Variants in HS3ST5 observed in about 807,000 individuals in gnomAD.
HS3ST5 encodes the protein heparan sulfate-glucosamine 3-sulfotransferase 5.
HS3ST5 carries 10 observed loss-of-function variants against 25.4 expected under a neutral mutation model. That is an observed-to-expected ratio of 0.39 (90% CI 0.24 to 0.67). The LOEUF (loss-of-function observed/expected upper bound fraction) is 0.67, where lower values mean the gene tolerates loss of function less well. HS3ST5 is among the 30% of genes least tolerant of loss of function. The pLI is 0.44. For missense variants in HS3ST5, 324 were observed against 420.7 expected, an observed-to-expected ratio of 0.77 and a Z score of 2.01; for synonymous variants, 170 against 162.4, an observed-to-expected ratio of 1.05 and a Z score of -0.36.
rs1476363243 is a variant in HS3ST5, at chr6:114,056,403, T to C, written c.*854A>G. On this transcript the variant is annotated 3_prime_UTR_variant, in exon 5 of 5. Coordinates refer to ENST00000312719, the MANE Select transcript of HS3ST5 (RefSeq NM_153612.4). ...CATATGCACGTAAACAGCTTCCATT[T>C]TGGAAGCCAGCAGGGGGCACGTAAA... 2 of 151,916 alleles carry C rather than the reference T, an allele frequency of 1.3e-5. No individual in the cohort carries two copies. Among genetic ancestry groups the C allele is most frequent in the African/African-American group, 4.8e-5 (2 of 41,350 alleles). 9.4% of individuals were successfully genotyped at this position (151,916 alleles called of 1,614,324 possible).
At chr6:114,187,119 G>T (rs1780256939) in intron 2 of HS3ST5, among the ~76,000 whole-genome samples, 1 of 152,160 alleles carries the variant, frequency 6.6e-6, no homozygotes, top group Non-Finnish European at 1.5e-5. Flanking sequence ...ATACAAGGAG[G>T]TTAATCTTGT....
At chr6:114,186,210 G>C (rs1780209795) in intron 2 of HS3ST5, among the ~76,000 whole-genome samples, 1 of 151,944 alleles carries the variant, frequency 6.6e-6, no homozygotes, top group African/African-American at 2.4e-5. Flanking sequence ...TAAATCAAAA[G>C]CTAAAAATGA....
At chr6:114,203,964 A>G (rs1589250) in intron 2 of HS3ST5, among the ~76,000 whole-genome samples, 147,646 of 152,288 alleles carry the variant, frequency 0.97, 71,745 homozygotes, top group Non-Finnish European at 1. Flanking sequence ...TTATTAATGT[A>G]TACATAGGGA....
chr6:114,093,944 G>A (rs1241437347), intron 3 of HS3ST5, among the ~76,000 whole-genome samples: 8 of 152,120 alleles, frequency 5.3e-5, no homozygotes, highest in African/African-American at 1.9e-4. Context: ...AAAAGAAACT[G>A]CATGTTCAAA....
At chr6:114,117,832 C>T (rs1776606104) in intron 3 of HS3ST5, among the ~76,000 whole-genome samples, 2 of 152,174 alleles carry the variant, frequency 1.3e-5, no homozygotes, top group African/African-American at 4.8e-5. Flanking sequence ...CCCCTTCCCT[C>T]AAATATTCAC....
intron 1 of HS3ST5, among the ~76,000 whole-genome samples, chr6:114,283,376 AC>A (rs1187305715): frequency 6.6e-6 from 1 of 151,968 alleles, no homozygotes; most frequent in Non-Finnish European, 1.5e-5. Flanking sequence ...AACCTGTAAG[AC>A]CTCTTGGCAG....
chr6:114,330,074 C>G (rs1336747285), intron 1 of HS3ST5, among the ~76,000 whole-genome samples: 1 of 152,118 alleles, frequency 6.6e-6, no homozygotes, highest in African/African-American at 2.4e-5. Context: ...TCCCCATTTC[C>G]ATGACATAAA....
intron 2 of HS3ST5, among the ~76,000 whole-genome samples, chr6:114,226,474 C>A (rs773072876): frequency 6.6e-6 from 1 of 151,878 alleles, no homozygotes; most frequent in African/African-American, 2.4e-5. Flanking sequence ...GAAAAACACC[C>A]ACTTAACTTC....
intron 2 of HS3ST5, among the ~76,000 whole-genome samples, chr6:114,181,788 C>A (rs769227363): frequency 7.2e-5 from 11 of 152,010 alleles, no homozygotes; most frequent in African/African-American, 2.2e-4. Context: ...CAGTATGAAC[C>A]TTTTAAAAGA....
chr6:114,151,628 C>G (rs1401771), intron 3 of HS3ST5, among the ~76,000 whole-genome samples: 53,548 of 152,034 alleles, frequency 0.35, 9,935 homozygotes, highest in East Asian at 0.61. Flanking sequence ...CCTAAATGAA[C>G]CAGTGCAACC....
At chr6:114,272,842 A>G (rs1773691815) in intron 1 of HS3ST5, among the ~76,000 whole-genome samples, 1 of 152,118 alleles carries the variant, frequency 6.6e-6, no homozygotes, top group South Asian at 2.1e-4. Flanking sequence ...AAGGCCTTAA[A>G]GTGTAAATAT....
intron 3 of HS3ST5, among the ~76,000 whole-genome samples, chr6:114,132,572 A>G (rs2114910996): frequency 6.6e-6 from 1 of 152,316 alleles, no homozygotes. Context: ...ATAATCTAAG[A>G]GCAACAGCAA....
chr6:114,193,249 G>GAC (rs1780588699), intron 2 of HS3ST5, among the ~76,000 whole-genome samples: 1 of 152,134 alleles, frequency 6.6e-6, no homozygotes, highest in Non-Finnish European at 1.5e-5. Flanking sequence ...CAGACAGACA[G>GAC]ACACACACAC....
intron 1 of HS3ST5, among the ~76,000 whole-genome samples, chr6:114,335,669 T>A (rs1776580566): frequency 6.6e-6 from 1 of 152,074 alleles, no homozygotes; most frequent in East Asian, 1.9e-4. Flanking sequence ...TTTCTTTTTT[T>A]AAATTAGACG....
At chr6:114,218,616 G>A (rs1165720202) in intron 2 of HS3ST5, among the ~76,000 whole-genome samples, 1 of 152,204 alleles carries the variant, frequency 6.6e-6, no homozygotes, top group Non-Finnish European at 1.5e-5. Flanking sequence ...TGAGCTGGGA[G>A]TGAACTGGTA....
chr6:114,135,625 C>T (rs1489249869), intron 3 of HS3ST5, among the ~76,000 whole-genome samples: 1 of 152,196 alleles, frequency 6.6e-6, no homozygotes, highest in Non-Finnish European at 1.5e-5. Context: ...GGCACGGTTT[C>T]AAGATTTAGG....
intron 1 of HS3ST5, chr6:114,281,690 A>G (rs1774119580): frequency 6.6e-6 from 1 of 152,020 alleles, no homozygotes; most frequent in Non-Finnish European, 1.5e-5. Context: ...CACCTTCCTT[A>G]GTCCAGGCAT....
intron 3 of HS3ST5, among the ~76,000 whole-genome samples, chr6:114,104,143 G>A (rs994311682): frequency 5.9e-5 from 9 of 152,018 alleles, no homozygotes; most frequent in African/African-American, 2.2e-4. Context: ...CAAAAATCAT[G>A]ACAGATAAGT....
chr6:114,154,943 T>C (rs1452663568), intron 3 of HS3ST5, among the ~76,000 whole-genome samples: 1 of 152,158 alleles, frequency 6.6e-6, no homozygotes, highest in African/African-American at 2.4e-5. Flanking sequence ...TCCCGATTGC[T>C]CTGGTTACAT....
Sources: allele counts gnomAD v4.1 joint callset (sites outside exome capture counted in the v4.1 genomes callset), GRCh38; gene constraint gnomAD v4.1.1; transcripts MANE v1.5; gene names NCBI Gene and HGNC (gene_info 2026-07-23, HGNC 2026-07-21).